Variants in KDM5D observed in about 807,000 individuals in gnomAD.
KDM5D encodes the protein lysine demethylase 5D.
In KDM5D, 25 loss-of-function variants were observed where a neutral mutation model predicts 31.9. That is an observed-to-expected ratio of 0.78 (90% confidence interval 0.57 to 1.09). The LOEUF (loss-of-function observed/expected upper bound fraction) is 1.09. Among genes scored for constraint, KDM5D ranks in the 50% least tolerant of loss-of-function variants. The pLI, the probability that KDM5D is intolerant of heterozygous loss-of-function variation, is 0.00. For synonymous variants in KDM5D, 146 were observed against 122.3 expected (o/e 1.19, Z -1.28); for missense variants, 366 against 341.6 (o/e 1.07, Z -0.56).
chrY:19,707,393 G>A lies in KDM5D; in HGVS notation c.3753C>T (p.Ala1251=). 2 of 397,452 alleles carry A rather than the reference G, an allele frequency of 5.0e-6. No individual in the cohort carries two copies. Among genetic ancestry groups the A allele is most frequent in the Non-Finnish European group, 7.1e-6 (2 of 282,674 alleles). ...GCAGCCGCACGGGCAGCCTCTGCAG[G>A]GCAACCAGCAAGGCTAGGATTGTCT... The part of the protein sequence containing the change: ...RLETILALLV[A]LQRLPVRLPE... The change falls in exon 24 of 27, where the codon GCC becomes GCT. Residue 1251 remains alanine (A), a synonymous_variant. Coordinates refer to ENST00000317961, the MANE Select transcript of KDM5D (RefSeq NM_004653.5).
intron 9 of KDM5D, 70 bp from the exon 10 acceptor site, chrY:19,732,235 A>T: frequency 3.5e-6 from 1 of 282,187 alleles, no homozygotes; most frequent in Non-Finnish European, 5.4e-6. Context: ...CTAAGGGGAG[A>T]TAAATTTTTC....
chrY:19,715,234 T>C, intron 18 of KDM5D, 118 bp downstream of exon 18: 2 of 235,618 alleles, frequency 8.5e-6, no homozygotes, highest in Non-Finnish European at 1.4e-5. Flanking sequence ...CTCTGTCTCC[T>C]GGGTTCAAAC....
chrY:19,740,493 G>A, intron 5 of KDM5D, among the ~76,000 whole-genome samples: 1 of 32,909 alleles, frequency 3.0e-5, no homozygotes, highest in African/African-American at 1.2e-4. Context: ...CAATCCAGGA[G>A]GTGGAGGCCG....
rs377356313 is a variant in KDM5D at position 19,722,977 on chromosome Y, T to C, written c.1372-1666A>G. Among the ~76,000 whole-genome samples the C allele has an allele frequency of 9.1e-5, 3 of 32,969 alleles. No individual in the cohort carries two copies. The East Asian group carries it at 2.4e-3, about 26-fold the overall frequency. 88.5% of individuals were successfully genotyped at this position (32,969 alleles called of 37,273 possible). On this transcript the variant is annotated intron_variant, in intron 11 of 26. Coordinates refer to ENST00000317961, the MANE Select transcript of KDM5D (RefSeq NM_004653.5). Reference sequence around the variant, plus strand: ...GTTGAAAAAAATTCTAAAATGTATTTGGAACTTAAAAAAAGAGCCCCAACT... The same window carrying C: ...GTTGAAAAAAATTCTAAAATGTATTCGGAACTTAAAAAAAGAGCCCCAACT...
At chrY:19,712,648 C>G (rs1011483269) in intron 18 of KDM5D, among the ~76,000 whole-genome samples, 1 of 34,504 alleles carries the variant, frequency 2.9e-5, no homozygotes, top group Admixed American at 2.6e-4. Flanking sequence ...TAACAGATCC[C>G]TTTCTACGTG....
At position 19,716,417 on chromosome Y, in the gene KDM5D, G is replaced by T; in HGVS notation, c.1893C>A (p.Val631=). 2 of 399,525 alleles carry T rather than the reference G, an allele frequency of 5.0e-6. No individual in the cohort carries two copies. Among genetic ancestry groups the T allele is most frequent in the Non-Finnish European group, 7.0e-6 (2 of 283,696 alleles). Residue 631 remains valine, a synonymous_variant, in exon 15 of 27, where the codon GTC becomes GTA. Transcript: ENST00000317961. ...EHYRRLRRYC[V]FSHEELICKM... is the part of the protein sequence containing the mutation. ...TGCAGATGAGCTCCTCGTGGGAGAA[G>T]ACACAATAGCGCCGGAGCCGGCGGT...
In KDM5D at chrY:19,707,131, G is replaced by A; in HGVS notation, c.3999+16C>T. ...AGACAGAAATATGAGGACAATGGCT[G>A]GCCTGGAAAGCTCACCTTAGAAATA... is the stretch of plus-strand genomic sequence containing the variant. On this transcript the variant is annotated intron_variant, in intron 24 of 26. Transcript: ENST00000317961. 2.5e-6 allele frequency: 1 copy of A among 395,319 alleles called. No homozygotes were observed.
intron 11 of KDM5D, among the ~76,000 whole-genome samples, chrY:19,726,506 T>C: frequency 6.3e-5 from 2 of 31,928 alleles, no homozygotes; most frequent in Admixed American, 2.9e-4. Context: ...TGAGAACACA[T>C]AGACACAGGG....
Position 19,744,572 on chromosome Y carries a change from A to G in KDM5D, c.-19-19T>C. 3.1e-6 allele frequency: 1 copy of G among 322,178 alleles called. No homozygotes were observed. Among genetic ancestry groups the G allele is most frequent in the Non-Finnish European group, 4.5e-6 (1 of 223,900 alleles). The allele number at this position is 322,178 out of a possible 400,897, so 80.4% of individuals were successfully genotyped here. ...TGCTAAGCTGTAAAATAAGAATCACATTGTCTTTAATGACGCGCTGGTTCC... is the reference window on the plus strand; with the variant it reads ...TGCTAAGCTGTAAAATAAGAATCACGTTGTCTTTAATGACGCGCTGGTTCC... On this transcript the variant is annotated intron_variant, in intron 1 of 26. Transcript: ENST00000317961.
At chrY:19,742,283 TCTAA>T (rs2045558540) in intron 3 of KDM5D, among the ~76,000 whole-genome samples, 1 of 34,018 alleles carries the variant, frequency 2.9e-5, no homozygotes, top group African/African-American at 1.1e-4. Context: ...GCTTTCTTAC[TCTAA>T]CTCATACACA....
chrY:19,741,212 T>C, intron 5 of KDM5D, 106 bp downstream of exon 5: 1 of 191,608 alleles, frequency 5.2e-6, no homozygotes. Flanking sequence ...TCTAGAGATT[T>C]AGAATCTATA....
chrY:19,734,101 T>C (rs2045489930), intron 8 of KDM5D, among the ~76,000 whole-genome samples: 1 of 33,525 alleles, frequency 3.0e-5, no homozygotes, highest in African/African-American at 1.2e-4. Flanking sequence ...CATCCAATAC[T>C]AGCTGATAAA....
At chrY:19,728,936 G>A in intron 11 of KDM5D, among the ~76,000 whole-genome samples, 2 of 32,361 alleles carry the variant, frequency 6.2e-5, no homozygotes, top group African/African-American at 2.4e-4. Flanking sequence ...ATTAGGCCGG[G>A]TACCGTGGCT....
chrY:19,722,984 TA>T (rs2045405227), intron 11 of KDM5D, among the ~76,000 whole-genome samples: 1 of 32,518 alleles, frequency 3.1e-5, no homozygotes, highest in Non-Finnish European at 7.6e-5. Flanking sequence ...ATTTGGAACT[TA>T]AAAAAAGAGC....
rs768207947 is a variant in KDM5D at position 19,744,461 on chromosome Y, T to C, written c.74A>G (p.Gln25Arg). The C allele has an allele frequency of 1.5e-5, 6 of 393,244 alleles. No homozygotes were observed. In the East Asian group the frequency reaches 5.6e-4, roughly 37 times the overall value. Residue 25 changes from glutamine to arginine, a missense_variant, in exon 2 of 27, where the codon CAA (glutamine) becomes CGA (arginine). Transcript: ENST00000317961. ...TTTCGCAATGTAGCCAAGCGGGTCT[T>C]GGAATTCAGCCCAGCTAGGCTCAAA... ...PVFEPSWAEF[Q>R]DPLGYIAKIR...
intron 11 of KDM5D, among the ~76,000 whole-genome samples, chrY:19,724,756 A>G (rs916411351): frequency 6.0e-5 from 2 of 33,387 alleles, no homozygotes; most frequent in African/African-American, 1.2e-4. Context: ...ATATTCAATT[A>G]GGAAAAGAGG....
In KDM5D at chrY:19,744,430, C is replaced by T; in HGVS notation, c.105G>A (p.Arg35=). The T allele has an allele frequency of 2.5e-6, 1 of 393,298 alleles. No homozygotes were observed. The highest frequency in any genetic ancestry group is 3.6e-6 in the Non-Finnish European group (1 of 280,385). ...AGATGCCAGACTTCTCTGCTATGGG[C>T]CTTATTTTCGCAATGTAGCCAAGCG... is the stretch of plus-strand genomic sequence containing the variant. ...QDPLGYIAKI[R]PIAEKSGICK... Residue 35 remains arginine, a synonymous_variant, in exon 2 of 27, where the codon AGG becomes AGA. Transcript: ENST00000317961.
At chrY:19,743,381 T>C (rs1603546091) in intron 2 of KDM5D, 142 bp from the exon 3 acceptor site, 1 of 33,263 alleles carries the variant, frequency 3.0e-5, no homozygotes, top group Non-Finnish European at 5.3e-5. Flanking sequence ...TCCTTCTTCA[T>C]AATCAAGATT....
chrY:19,716,186 G>T, intron 15 of KDM5D, 93 bp downstream of exon 15: 1 of 263,548 alleles, frequency 3.8e-6, no homozygotes, highest in Non-Finnish European at 6.2e-6. Flanking sequence ...ATGACTTAAA[G>T]ATCAGGCACA....
Sources: gnomAD v4.1 joint callset for allele counts (sites outside exome capture counted in the v4.1 genomes callset) on GRCh38, gnomAD v4.1.1 for gene constraint, MANE v1.5 for transcripts, NCBI Gene and HGNC (gene_info 2026-07-23, HGNC 2026-07-21) for gene names.